Variants in SLC26A5 observed in about 807,000 individuals in gnomAD.
The protein encoded by SLC26A5 is solute carrier family 26 member 5.
SLC26A5 carries 51 observed loss-of-function variants against 81.0 expected under a neutral mutation model. The observed-to-expected ratio is 0.63, with a 90% confidence interval of 0.50 to 0.80. The LOEUF (loss-of-function observed/expected upper bound fraction) is 0.80. SLC26A5 is among the 30% of genes least tolerant of loss of function. The pLI is 0.00. For missense variants in SLC26A5, 771 were observed against 905.8 expected, an observed-to-expected ratio of 0.85 and a Z score of 1.91; for synonymous variants, 325 against 332.8, an observed-to-expected ratio of 0.98 and a Z score of 0.25.
chr7:103,386,301 C>T (rs1463346947), intron 14 of SLC26A5, among the ~76,000 whole-genome samples: 1 of 151,818 alleles, frequency 6.6e-6, no homozygotes, highest in Non-Finnish European at 1.5e-5. Context: ...GGCACGATGG[C>T]TCATGCCTGT....
At chr7:103,362,544 CTCTT>C (rs1820470625) in intron 19 of SLC26A5, 3 of 1,386,460 alleles carry the variant, frequency 2.2e-6, no homozygotes, top group Non-Finnish European at 2.9e-6. Context: ...ATTTCATGCT[CTCTT>C]TATTTCTCTT....
At chr7:103,363,653 TCTG>T (rs1257473338) in intron 19 of SLC26A5, among the ~76,000 whole-genome samples, 6 of 151,476 alleles carry the variant, frequency 4.0e-5, no homozygotes, top group Admixed American at 2.6e-4. Flanking sequence ...AAAAGAAAGA[TCTG>T]CTGTTTACAG....
chr7:103,370,590 T>A (rs1022987314), downstream of SLC26A5, among the ~76,000 whole-genome samples: 1 of 152,220 alleles, frequency 6.6e-6, no homozygotes, highest in African/African-American at 2.4e-5. Context: ...AGATGTTTCC[T>A]GCAACTACAA....
chr7:103,355,588 A>T, intron 19 of SLC26A5: 1 of 823,266 alleles, frequency 1.2e-6, no homozygotes, highest in Non-Finnish European at 2.0e-6. Context: ...GATAGTCCTC[A>T]CAATGAATGA....
At chr7:103,434,422 G>T (rs909717677) in intron 2 of SLC26A5, among the ~76,000 whole-genome samples, 12 of 152,034 alleles carry the variant, frequency 7.9e-5, no homozygotes, top group African/African-American at 2.9e-4. Flanking sequence ...TTGTATCTCT[G>T]CATGTTTTTT....
chr7:103,405,706 G>A (rs1028659809), intron 8 of SLC26A5, among the ~76,000 whole-genome samples: 3 of 152,220 alleles, frequency 2.0e-5, no homozygotes, highest in African/African-American at 7.2e-5. Context: ...CTCGAATGCT[G>A]TGCTAGGAGA....
intron 1 of SLC26A5, among the ~76,000 whole-genome samples, chr7:103,444,454 A>G (rs868108021): frequency 3.3e-5 from 5 of 152,370 alleles, no homozygotes; most frequent in Admixed American, 1.3e-4. Context: ...TGAAAACTCA[A>G]CTGACTTTGA....
At chr7:103,402,324 C>G (rs370612597) in intron 8 of SLC26A5, among the ~76,000 whole-genome samples, 3 of 150,860 alleles carry the variant, frequency 2.0e-5, no homozygotes, top group Non-Finnish European at 4.4e-5. Flanking sequence ...TCCATTTCTT[C>G]TAGATTTTCT....
intron 2 of SLC26A5, among the ~76,000 whole-genome samples, chr7:103,435,537 G>A (rs923525852): frequency 2.0e-5 from 3 of 152,144 alleles, no homozygotes; most frequent in Non-Finnish European, 4.4e-5. Context: ...TATACTTTGG[G>A]TGAAGAGGCA....
chr7:103,428,703 C>T (rs1825868657), intron 2 of SLC26A5, among the ~76,000 whole-genome samples: 2 of 151,964 alleles, frequency 1.3e-5, no homozygotes, highest in Admixed American at 1.3e-4. Context: ...GCTGGGACTA[C>T]AGGTGTGTGC....
intron 15 of SLC26A5, 71 bp downstream of exon 15, chr7:103,380,409 G>A: frequency 7.7e-7 from 1 of 1,297,308 alleles, no homozygotes. Context: ...TTTTTATCCT[G>A]GGTAAAAACA....
chr7:103,356,943 T>C (rs1212050861), intron 19 of SLC26A5, among the ~76,000 whole-genome samples: 2 of 152,216 alleles, frequency 1.3e-5, no homozygotes, highest in Admixed American at 6.5e-5. Flanking sequence ...TTATTTCCCA[T>C]CTACTCACCC....
chr7:103,390,000 G>T (rs1822517503), intron 12 of SLC26A5, among the ~76,000 whole-genome samples: 1 of 152,008 alleles, frequency 6.6e-6, no homozygotes, highest in South Asian at 2.1e-4. Flanking sequence ...GGTACTCAAG[G>T]AATTATTTCA....
intron 12 of SLC26A5, 30 bp downstream of exon 12, chr7:103,390,399 A>C: frequency 6.3e-7 from 1 of 1,592,852 alleles, no homozygotes; most frequent in Non-Finnish European, 8.6e-7. Context: ...CACATGAAAA[A>C]AACTTCACCC....
At chr7:103,438,183 T>C (rs1826604264) in intron 2 of SLC26A5, among the ~76,000 whole-genome samples, 1 of 151,972 alleles carries the variant, frequency 6.6e-6, no homozygotes, top group African/African-American at 2.4e-5. Flanking sequence ...AACTGTATAT[T>C]TTAAAAAAAA....
rs1008188892 is a variant in SLC26A5, at chr7:103,439,551, T to C, written c.-54+3532A>G. Among the ~76,000 whole-genome samples the C allele has an allele frequency of 4.1e-5, 5 of 122,306 alleles. No individual in the cohort carries two copies. The East Asian group carries it at 1.5e-3, about 38-fold the overall frequency. 80.2% of individuals were successfully genotyped at this position (122,306 alleles called of 152,430 possible). ...TTGTTGTTTGTTTGTTTGTTTGTTT[T>C]GAGACAGAGTCTCACTCTGTTGCCC... On this transcript the variant is annotated intron_variant, in intron 2 of 19. Coordinates refer to ENST00000306312, the MANE Select transcript of SLC26A5 (RefSeq NM_198999.3).
intron 2 of SLC26A5, among the ~76,000 whole-genome samples, chr7:103,430,576 T>A (rs1015693271): frequency 6.6e-6 from 1 of 151,066 alleles, no homozygotes; most frequent in Non-Finnish European, 1.5e-5. Flanking sequence ...GGTCCTGGCT[T>A]CTGCCTGCTG....
At chr7:103,362,148 T>C in intron 19 of SLC26A5, 1 of 1,601,486 alleles carries the variant, frequency 6.2e-7, no homozygotes, top group East Asian at 2.2e-5. Context: ...CTCACATTCA[T>C]ATCCTTGGCT....
At chr7:103,370,365 C>T (rs1201375761), downstream of SLC26A5, among the ~76,000 whole-genome samples, 1 of 151,970 alleles carries the variant, frequency 6.6e-6, no homozygotes, top group Non-Finnish European at 1.5e-5. Context: ...CCTCCCTCAT[C>T]CCCACACAAG....
Sources: gnomAD v4.1 joint callset for allele counts (sites outside exome capture counted in the v4.1 genomes callset) on GRCh38, gnomAD v4.1.1 for gene constraint, MANE v1.5 for transcripts, NCBI Gene and HGNC (gene_info 2026-07-23, HGNC 2026-07-21) for gene names.